The following PLCB4 variants were observed in gnomAD, a reference collection of about 807,000 sequenced individuals.
PLCB4 encodes the protein phospholipase C beta 4.
In PLCB4, 77 loss-of-function variants were observed where a neutral mutation model predicts 178.8. The ratio of observed to expected loss-of-function variants is 0.43; its 90% confidence interval spans 0.36 to 0.52. The LOEUF (loss-of-function observed/expected upper bound fraction) is 0.52. Among genes scored for constraint, PLCB4 ranks in the 20% least tolerant of loss-of-function variants. The pLI is 0.00. For missense variants in PLCB4, 1,024 were observed against 1,453.4 expected (o/e 0.70, Z 4.80); for synonymous variants, 496 against 490.8 (o/e 1.01, Z -0.14).
At chr20:9,235,828 T>G (rs2093987136) in intron 3 of PLCB4, among the ~76,000 whole-genome samples, 1 of 152,178 alleles carries the variant, frequency 6.6e-6, no homozygotes, top group East Asian at 1.9e-4. Context: ...TCTTCACGAG[T>G]GGTCTGGATT....
chr20:9,149,288 G>A (rs1187426118), intron 2 of PLCB4, among the ~76,000 whole-genome samples: 1 of 152,114 alleles, frequency 6.6e-6, no homozygotes, highest in African/African-American at 2.4e-5. Context: ...TCTAGGCTCT[G>A]ATAACGTCAC....
chr20:9,105,045 A>G (rs563560802), intron 2 of PLCB4, among the ~76,000 whole-genome samples: 6 of 152,066 alleles, frequency 3.9e-5, no homozygotes, highest in Non-Finnish European at 8.8e-5. Context: ...CTTGATTTTT[A>G]AAAAAATGAG....
intron 3 of PLCB4, among the ~76,000 whole-genome samples, chr20:9,283,888 G>A (rs2094515408): frequency 6.6e-6 from 1 of 151,724 alleles, no homozygotes; most frequent in Non-Finnish European, 1.5e-5. Flanking sequence ...TTCTATCCCT[G>A]AGTCACCAAC....
intron 3 of PLCB4, among the ~76,000 whole-genome samples, chr20:9,265,782 G>A (rs1227993250): frequency 6.6e-6 from 1 of 152,168 alleles, no homozygotes; most frequent in Admixed American, 6.5e-5. Context: ...TTCTAGCAGT[G>A]CTGTTGATGG....
At chr20:9,477,467 T>C (rs1341530397) in intron 39 of PLCB4, among the ~76,000 whole-genome samples, 1 of 152,216 alleles carries the variant, frequency 6.6e-6, no homozygotes, top group African/African-American at 2.4e-5. Context: ...GTCAATACTT[T>C]CTTCAGAAGC....
chr20:9,264,415 T>C (rs1056347038), intron 3 of PLCB4, among the ~76,000 whole-genome samples: 2 of 152,316 alleles, frequency 1.3e-5, no homozygotes, highest in Middle Eastern at 3.4e-3. Flanking sequence ...ATCCTTACTT[T>C]GTAATAGAAG....
At chr20:9,350,230 C>T (rs889734495) in intron 7 of PLCB4, among the ~76,000 whole-genome samples, 7 of 151,888 alleles carry the variant, frequency 4.6e-5, no homozygotes, top group African/African-American at 1.2e-4. Context: ...TTATCTGGCT[C>T]TTAATGGAAA....
At chr20:9,082,565 G>T (rs1016725433) in intron 1 of PLCB4, among the ~76,000 whole-genome samples, 1 of 152,152 alleles carries the variant, frequency 6.6e-6, no homozygotes, top group Admixed American at 6.5e-5. Context: ...TTAATTATTA[G>T]ATATATCATT....
intron 2 of PLCB4, among the ~76,000 whole-genome samples, chr20:9,113,711 C>T (rs1364674806): frequency 6.6e-6 from 1 of 152,132 alleles, no homozygotes; most frequent in East Asian, 1.9e-4. Flanking sequence ...TAATGCCAAA[C>T]ATAATTAAAC....
At chr20:9,158,634 T>C (rs1369985529) in intron 2 of PLCB4, among the ~76,000 whole-genome samples, 1 of 151,896 alleles carries the variant, frequency 6.6e-6, no homozygotes, top group Non-Finnish European at 1.5e-5. Context: ...CTTACACCTC[T>C]ATCTTAAATG....
chr20:9,420,619 G>A (rs1042827854), intron 26 of PLCB4, among the ~76,000 whole-genome samples: 7 of 152,114 alleles, frequency 4.6e-5, no homozygotes, highest in African/African-American at 9.7e-5. Context: ...ATGAGCCACC[G>A]TGCCTAGCCT....
intron 2 of PLCB4, among the ~76,000 whole-genome samples, chr20:9,125,672 A>G (rs1316600729): frequency 1.3e-5 from 2 of 152,222 alleles, no homozygotes; most frequent in East Asian, 3.8e-4. Flanking sequence ...AGAGACCAAC[A>G]TAAGGAGAAA....
chr20:9,150,702 C>A (rs2146925990), intron 2 of PLCB4, among the ~76,000 whole-genome samples: 1 of 152,228 alleles, frequency 6.6e-6, no homozygotes, highest in South Asian at 2.1e-4. Context: ...GGTCACCCAG[C>A]CAAGAAGTGG....
chr20:9,325,091 T>A (rs535848540), intron 4 of PLCB4, among the ~76,000 whole-genome samples: 27 of 152,352 alleles, frequency 1.8e-4, no homozygotes, highest in African/African-American at 6.3e-4. Context: ...TTTATTATGC[T>A]GGAACTAATT....
intron 7 of PLCB4, among the ~76,000 whole-genome samples, chr20:9,352,641 A>T (rs2034450544): frequency 6.6e-6 from 1 of 152,222 alleles, no homozygotes; most frequent in Admixed American, 6.5e-5. Flanking sequence ...GAGTGACTAA[A>T]TTAATTTTGT....
intron 35 of PLCB4, among the ~76,000 whole-genome samples, chr20:9,461,417 T>C (rs765619903): frequency 6.6e-6 from 1 of 152,124 alleles, no homozygotes; most frequent in Non-Finnish European, 1.5e-5. Flanking sequence ...GGACAGTGGG[T>C]GCAGCCCAAG....
intron 30 of PLCB4, among the ~76,000 whole-genome samples, chr20:9,440,213 A>G (rs1462795162): frequency 6.6e-6 from 1 of 152,242 alleles, no homozygotes; most frequent in Non-Finnish European, 1.5e-5. Flanking sequence ...TGTGTTTAAT[A>G]TCTAAGCTAC....
chr20:9,408,448 G>C (rs1450907201), intron 22 of PLCB4, among the ~76,000 whole-genome samples, 185 bp from the exon 23 acceptor site: 2 of 113,000 alleles, frequency 1.8e-5, no homozygotes. Context: ...TATTTCGGTG[G>C]TGGCTGAAAA....
At chr20:9,337,680 C>T (rs2032644697) in intron 5 of PLCB4, among the ~76,000 whole-genome samples, 1 of 152,126 alleles carries the variant, frequency 6.6e-6, no homozygotes, top group African/African-American at 2.4e-5. Context: ...TAGCATTTTT[C>T]TCACATTTCA....
Sources: allele counts gnomAD v4.1 joint callset (sites outside exome capture counted in the v4.1 genomes callset), GRCh38; gene constraint gnomAD v4.1.1; transcripts MANE v1.5; gene names NCBI Gene and HGNC (gene_info 2026-07-23, HGNC 2026-07-21).